CACNA1C: variants seen among roughly 807,000 people sequenced by gnomAD.
CACNA1C encodes voltage-dependent L-type calcium channel subunit alpha-1C.
CACNA1C carries 30 observed loss-of-function variants against 229.0 expected under a neutral mutation model. The observed-to-expected ratio is 0.13, with a 90% CI of 0.10 to 0.18. CACNA1C has a LOEUF of 0.18. Among genes scored for constraint, CACNA1C ranks in the 10% least tolerant of loss-of-function variants. The pLI is 1.00. For synonymous variants in CACNA1C, 1,114 were observed against 1,132.5 expected (o/e 0.98, Z 0.33); for missense variants, 1,658 against 2,845.0 (o/e 0.58, Z 9.49).
At chr12:2,241,119 G>A (rs1482972567) in intron 3 of CACNA1C, among the ~76,000 whole-genome samples, 3 of 152,096 alleles carry the variant, frequency 2.0e-5, no homozygotes, top group Non-Finnish European at 4.4e-5. Flanking sequence ...CGAGGCTCCT[G>A]GCAGCTTTAT....
chr12:2,136,313 C>T (rs2093482879), intron 3 of CACNA1C, among the ~76,000 whole-genome samples: 1 of 151,290 alleles, frequency 6.6e-6, no homozygotes, highest in African/African-American at 2.4e-5. Context: ...GCCATCTTGG[C>T]TCCTCCTCGA....
At chr12:2,459,543 C>T (rs1282869796) in intron 5 of CACNA1C, among the ~76,000 whole-genome samples, 1 of 152,148 alleles carries the variant, frequency 6.6e-6, no homozygotes, top group East Asian at 1.9e-4. Flanking sequence ...CACACAAGCA[C>T]AATTAAAGCA....
rs572392696 is a variant in CACNA1C, at chr12:2,066,546, G to C, written c.49+12935G>C. Reference sequence around the variant, plus strand: ...ATTGAATGATTGGGCTGGAGAGTGGGTTCAGAGTGACTGTTGTCCCGCCGA... The same window carrying C: ...ATTGAATGATTGGGCTGGAGAGTGGCTTCAGAGTGACTGTTGTCCCGCCGA... On this transcript the variant is annotated intron_variant, in intron 1 of 46. Transcript: ENST00000399655. Among the ~76,000 whole-genome samples the C allele has an allele frequency of 1.1e-3, 168 of 152,274 alleles. 1 individual carries two copies. Among genetic ancestry groups the C allele is most frequent in the African/African-American group, 4.0e-3 (166 of 41,548 alleles).
At chr12:2,235,595 C>A (rs369126489) in intron 3 of CACNA1C, among the ~76,000 whole-genome samples, 1 of 152,182 alleles carries the variant, frequency 6.6e-6, no homozygotes, top group East Asian at 1.9e-4. Flanking sequence ...TGCTTCTCTA[C>A]GTAGACCATC....
chr12:2,081,703 G>A (rs565137006), intron 1 of CACNA1C, among the ~76,000 whole-genome samples: 2 of 152,246 alleles, frequency 1.3e-5, no homozygotes, highest in Admixed American at 6.5e-5. Context: ...ACCTGGCATT[G>A]CAAATGTATT....
Position 2,135,720 on chromosome 12 carries a change from C to G in CACNA1C, c.477+15290C>G, listed in dbSNP as rs545447560. 3.4e-5 allele frequency among the ~76,000 whole-genome samples: 5 copies of G among 146,124 alleles called. 1 individual carries two copies. In the South Asian group the frequency reaches 1.1e-3, roughly 31 times the overall value. On this transcript the variant is annotated intron_variant, in intron 3 of 46. Coordinates refer to ENST00000399655, the MANE Select transcript of CACNA1C (RefSeq NM_000719.7). The stretch of plus-strand genomic sequence containing the variant: ...CACTGCTCTCTTCAAAGCTGTCAGA[C>G]AGGGACATTTAAGTCTGCAGAAGTT...
upstream of CACNA1C, among the ~76,000 whole-genome samples, chr12:2,050,940 C>A (rs1157034275): frequency 1.3e-5 from 2 of 152,160 alleles, no homozygotes; most frequent in Admixed American, 6.5e-5. Context: ...TTACTATCTG[C>A]CAGATACTGC....
chr12:2,319,323 C>T lies in CACNA1C; in HGVS notation c.478-129653C>T, dbSNP rs1167195246. On this transcript the variant is annotated intron_variant, in intron 3 of 46. Transcript: ENST00000399655. The surrounding 1 kb of genome is among the most constrained non-coding windows in gnomAD (Gnocchi z 4.0). ...ATGAAGGCGGCATGCATGGGGGTGCCGTGCATGGTGGGCAACATACATGGG... is the reference window on the plus strand; with the variant it reads ...ATGAAGGCGGCATGCATGGGGGTGCTGTGCATGGTGGGCAACATACATGGG... Among the ~76,000 whole-genome samples, 3 of 151,914 alleles carry T rather than the reference C, an allele frequency of 2.0e-5. No individual in the cohort carries two copies. The highest frequency in any genetic ancestry group is 6.6e-5 in the Admixed American group (1 of 15,248).
chr12:2,372,625 C>CT lies in CACNA1C; in HGVS notation c.478-76340dup, dbSNP rs760672024. 7.0e-3 allele frequency among the ~76,000 whole-genome samples: 1,035 copies of CT among 147,134 alleles called. 6 individuals are homozygous for CT. Among genetic ancestry groups the CT allele is most frequent in the African/African-American group, 0.019 (769 of 40,340 alleles). ...ATAATAATAAATAAATCCGCATTCCCTTTTTTTTTTTGGCAACCTGAAAAA... is the reference window on the plus strand; with the variant it reads ...ATAATAATAAATAAATCCGCATTCCCTTTTTTTTTTTTGGCAACCTGAAAAA... On this transcript the variant is annotated intron_variant, in intron 3 of 46. Coordinates refer to ENST00000399655, the MANE Select transcript of CACNA1C (RefSeq NM_000719.7).
chr12:2,223,199 A>C (rs140954926), intron 3 of CACNA1C, among the ~76,000 whole-genome samples: 11 of 152,320 alleles, frequency 7.2e-5, no homozygotes, highest in Non-Finnish European at 1.6e-4. Context: ...CACACCTCCA[A>C]AAAGAAGCTG....
Position 2,029,541 on chromosome 12 carries a change from T to C in CACNA1C, c.139+58340T>C, listed in dbSNP as rs1302879092. Reference sequence around the variant, plus strand: ...CATGCACTAGGTGAACTTTAGTGTCTGGCTTCTTTCACTTAGCATAATGTT... The same window carrying C: ...CATGCACTAGGTGAACTTTAGTGTCCGGCTTCTTTCACTTAGCATAATGTT... On this transcript the variant is annotated intron_variant, in intron 1 of 46. Transcript: ENST00000682462. This position sits in a 1 kb window ranked among gnomAD's most constrained non-coding sequence, Gnocchi z 4.9. Among the ~76,000 whole-genome samples, 1 of 152,266 alleles carries C rather than the reference T, an allele frequency of 6.6e-6. No individual in the cohort carries two copies. Among genetic ancestry groups the C allele is most frequent in the African/African-American group, 2.4e-5 (1 of 41,476 alleles).
At chr12:2,345,309 C>T (rs929517189) in intron 3 of CACNA1C, among the ~76,000 whole-genome samples, 4 of 151,834 alleles carry the variant, frequency 2.6e-5, no homozygotes, top group Non-Finnish European at 4.4e-5. Context: ...TCCCCCTGTA[C>T]GCCAGGCATT....
intron 3 of CACNA1C, among the ~76,000 whole-genome samples, chr12:2,292,304 C>T (rs1166018654): frequency 6.6e-6 from 1 of 152,238 alleles, no homozygotes; most frequent in Non-Finnish European, 1.5e-5. Context: ...GAGAAGGAAG[C>T]ATGCATGTGT....
At chr12:2,183,516 T>A (rs2096903543) in intron 3 of CACNA1C, among the ~76,000 whole-genome samples, 1 of 152,264 alleles carries the variant, frequency 6.6e-6, no homozygotes, top group African/African-American at 2.4e-5. Context: ...ATAGTTCAGT[T>A]TGAAGACGTG....
chr12:2,612,156 C>A, intron 29 of CACNA1C, 143 bp downstream of exon 29: 1 of 625,470 alleles, frequency 1.6e-6, no homozygotes. Context: ...ATGGTCAGTG[C>A]CCCAACTCCT....
At chr12:2,523,479 G>C (rs1259013112) in intron 9 of CACNA1C, among the ~76,000 whole-genome samples, 2 of 152,128 alleles carry the variant, frequency 1.3e-5, no homozygotes, top group Non-Finnish European at 2.9e-5. Flanking sequence ...AGTACGGTGT[G>C]AGGAATGTCA....
chr12:2,281,040 C>T (rs2091057014), intron 3 of CACNA1C, among the ~76,000 whole-genome samples: 1 of 151,948 alleles, frequency 6.6e-6, no homozygotes, highest in African/African-American at 2.4e-5. Context: ...TATACATGTG[C>T]CATGTTGGTG....
chr12:2,570,372 A>G (rs1428587553), intron 13 of CACNA1C, among the ~76,000 whole-genome samples: 2 of 151,756 alleles, frequency 1.3e-5, no homozygotes, highest in Non-Finnish European at 2.9e-5. Context: ...TTCTCTTGGC[A>G]ACCACCCAGA....
chr12:2,166,054 A>G (rs1315273257), intron 3 of CACNA1C, among the ~76,000 whole-genome samples: 2 of 152,218 alleles, frequency 1.3e-5, no homozygotes, highest in Non-Finnish European at 2.9e-5. Context: ...AACTTCAAAG[A>G]CTTGTCTTTT....
Sources: gnomAD v4.1 joint callset for allele counts (sites outside exome capture counted in the v4.1 genomes callset) on GRCh38, gnomAD v4.1.1 for gene constraint, Gnocchi (gnomAD v3.1) non-coding constraint, MANE v1.5 for transcripts, NCBI Gene and HGNC (gene_info 2026-07-23, HGNC 2026-07-21) for gene names.